GPHN: variants seen among roughly 807,000 people sequenced by gnomAD.
GPHN encodes the protein gephyrin.
A neutral mutation model predicts 95.5 loss-of-function variants in GPHN; 17 were observed. The observed-to-expected ratio is 0.18, with a 90% confidence interval of 0.12 to 0.27. The LOEUF (loss-of-function observed/expected upper bound fraction) is 0.27. Among genes scored for constraint, GPHN ranks in the 10% least tolerant of loss-of-function variants. The pLI, the probability that GPHN is intolerant of heterozygous loss-of-function variation, is 1.00. For synonymous variants in GPHN, 320 were observed against 322.5 expected (o/e 0.99, Z 0.08); for missense variants, 660 against 978.1 (o/e 0.67, Z 4.34).
intron 2 of GPHN, among the ~76,000 whole-genome samples, chr14:66,758,200 A>G (rs2058634741): frequency 2.0e-5 from 3 of 152,224 alleles, no homozygotes; most frequent in South Asian, 4.1e-4. Context: ...ACAGGAAGAC[A>G]AGTTATCGAT....
the GPHN span, among the ~76,000 whole-genome samples, chr14:67,463,444 CCTGA>C: frequency 6.6e-6 from 1 of 151,960 alleles, no homozygotes; most frequent in Admixed American, 6.6e-5. Context: ...TCGAGACCAT[CCTGA>C]CTAACACGAT....
At chr14:67,203,117 T>C in the GPHN span, 1 of 1,613,478 alleles carries the variant, frequency 6.2e-7, no homozygotes. Context: ...GTGAATCCAT[T>C]TACCTTCATA....
intron 21 of GPHN, among the ~76,000 whole-genome samples, chr14:67,179,255 A>G (rs558812352): frequency 7.9e-5 from 12 of 152,176 alleles, no homozygotes; most frequent in African/African-American, 2.6e-4. Context: ...GTATGGTGGC[A>G]CATGCATGTG....
intron 6 of GPHN, among the ~76,000 whole-genome samples, chr14:66,919,252 T>C (rs1014368490): frequency 1.3e-5 from 2 of 152,206 alleles, no homozygotes; most frequent in African/African-American, 4.8e-5. Context: ...TAACTAAAAA[T>C]ATGAAACCTC....
the GPHN span, among the ~76,000 whole-genome samples, chr14:67,400,352 CCTTA>C: frequency 6.6e-6 from 1 of 152,202 alleles, no homozygotes; most frequent in Non-Finnish European, 1.5e-5. Context: ...TCACTTTGTT[CCTTA>C]CTTACATCCA....
At chr14:66,716,129 T>G (rs1193813213) in intron 2 of GPHN, among the ~76,000 whole-genome samples, 2 of 152,188 alleles carry the variant, frequency 1.3e-5, no homozygotes, top group African/African-American at 4.8e-5. Flanking sequence ...ATTGTGTTGC[T>G]GTGTATTTCA....
the GPHN span, among the ~76,000 whole-genome samples, chr14:67,393,614 T>C: frequency 0.02 from 3,001 of 152,138 alleles, 39 homozygotes; most frequent in Middle Eastern, 0.034. Context: ...CCACCACACC[T>C]GGCTAATTTT....
At chr14:67,317,506 G>T in the GPHN span, 16 of 1,507,838 alleles carry the variant, frequency 1.1e-5, no homozygotes, top group Middle Eastern at 1.7e-4. Context: ...GGGATAGGTG[G>T]AATTATATCT....
intron 4 of GPHN, among the ~76,000 whole-genome samples, chr14:66,879,436 T>G (rs1043465037): frequency 6.6e-6 from 1 of 151,996 alleles, no homozygotes; most frequent in Non-Finnish European, 1.5e-5. Context: ...AATGTAGAAT[T>G]TTTCCTCTAG....
intron 8 of GPHN, among the ~76,000 whole-genome samples, chr14:66,929,022 T>A (rs1355692748): frequency 6.6e-6 from 1 of 151,960 alleles, no homozygotes; most frequent in Non-Finnish European, 1.5e-5. Context: ...TTAGATCTAT[T>A]TGATCTGTAA....
intron 16 of GPHN, among the ~76,000 whole-genome samples, chr14:67,117,455 G>T (rs1216604956): frequency 1.3e-5 from 2 of 152,126 alleles, no homozygotes; most frequent in Non-Finnish European, 1.5e-5. Context: ...ATTATTAAAT[G>T]AACCCATGAA....
chr14:67,619,976 TCATGTCCCTA>T, the GPHN span: 2 of 1,588,492 alleles, frequency 1.3e-6, no homozygotes, highest in Non-Finnish European at 1.7e-6. Flanking sequence ...GTGCTGCGGA[TCATGTCCCTA>T]AGGGGCAGCC....
intron 9 of GPHN, among the ~76,000 whole-genome samples, chr14:66,999,981 T>C (rs1219545486): frequency 6.6e-6 from 1 of 151,878 alleles, no homozygotes; most frequent in East Asian, 1.9e-4. Context: ...TGTCTTAGAT[T>C]TCCCAGTAGC....
At chr14:67,548,344 A>AG in the GPHN span, among the ~76,000 whole-genome samples, 1 of 152,196 alleles carries the variant, frequency 6.6e-6, no homozygotes, top group African/African-American at 2.4e-5. Context: ...AACTAATACA[A>AG]GGTTTTTCTT....
At chr14:67,114,392 A>G (rs2153687640) in intron 16 of GPHN, among the ~76,000 whole-genome samples, 1 of 152,246 alleles carries the variant, frequency 6.6e-6, no homozygotes, top group Middle Eastern at 3.4e-3. Flanking sequence ...AGAAAGCTAA[A>G]CAGTAGCACA....
At chr14:66,690,109 T>C (rs1454810766) in intron 2 of GPHN, among the ~76,000 whole-genome samples, 3 of 152,070 alleles carry the variant, frequency 2.0e-5, no homozygotes, top group African/African-American at 7.2e-5. Flanking sequence ...CTTGATTTTC[T>C]TGTTCCTTAA....
the GPHN span, chr14:67,585,375 A>C: frequency 1.8e-6 from 1 of 566,418 alleles, no homozygotes. Context: ...CCCAAGGCCA[A>C]GGGTCTCCTG....
chr14:66,531,917 C>T (rs1331330451), intron 1 of GPHN, among the ~76,000 whole-genome samples: 1 of 152,110 alleles, frequency 6.6e-6, no homozygotes, highest in Non-Finnish European at 1.5e-5. Flanking sequence ...TATGATTTCT[C>T]TCACAACTAT....
chr14:67,408,185 C>T, the GPHN span, among the ~76,000 whole-genome samples: 4 of 151,910 alleles, frequency 2.6e-5, no homozygotes, highest in Middle Eastern at 3.4e-3. Context: ...ACTCAGGAGG[C>T]TGAGGCATGA....
Sources: gnomAD v4.1 joint callset for allele counts (sites outside exome capture counted in the v4.1 genomes callset) on GRCh38, gnomAD v4.1.1 for gene constraint, MANE v1.5 for transcripts, NCBI Gene and HGNC (gene_info 2026-07-23, HGNC 2026-07-21) for gene names.